The following PRKD1 variants were observed in gnomAD, a reference collection of about 807,000 sequenced individuals.
PRKD1 encodes serine/threonine-protein kinase D1.
Under a neutral mutation model 95.9 loss-of-function variants are expected in PRKD1, and 63 were observed. The observed-to-expected ratio is 0.66, with a 90% CI of 0.54 to 0.81. The LOEUF is 0.81. PRKD1 is among the 30% of genes least tolerant of loss of function. The probability of loss-of-function intolerance (pLI) is 0.00; values close to 1 mark genes in which losing one functional copy is unlikely to be tolerated. For synonymous variants in PRKD1, 425 were observed against 423.1 expected, an observed-to-expected ratio of 1.00 and a Z score of -0.05; for missense variants, 1,048 against 1,165.3, an observed-to-expected ratio of 0.90 and a Z score of 1.47.
intron 1 of PRKD1, among the ~76,000 whole-genome samples, chr14:29,797,296 T>G (rs1889859631): frequency 6.6e-6 from 1 of 152,198 alleles, no homozygotes; most frequent in Non-Finnish European, 1.5e-5. Flanking sequence ...AAATTGTTTG[T>G]AAGCGATGGA....
intron 1 of PRKD1, among the ~76,000 whole-genome samples, chr14:29,772,375 T>C (rs1367108424): frequency 6.6e-6 from 1 of 152,078 alleles, no homozygotes; most frequent in Non-Finnish European, 1.5e-5. Flanking sequence ...GGAGACAACA[T>C]CTATGAACCA....
intron 1 of PRKD1, among the ~76,000 whole-genome samples, chr14:29,886,257 G>C (rs1054200119): frequency 6.6e-6 from 1 of 152,296 alleles, no homozygotes; most frequent in African/African-American, 2.4e-5. Context: ...CAAAATTTCA[G>C]AGTTTACCTG....
At chr14:29,831,873 A>G (rs1290302587) in intron 1 of PRKD1, among the ~76,000 whole-genome samples, 2 of 152,204 alleles carry the variant, frequency 1.3e-5, no homozygotes, top group Non-Finnish European at 2.9e-5. Flanking sequence ...GTTAGATATC[A>G]TAAGTATGTT....
intron 1 of PRKD1, among the ~76,000 whole-genome samples, chr14:29,743,066 A>G (rs1270313393): frequency 1.3e-5 from 2 of 152,192 alleles, no homozygotes; most frequent in Non-Finnish European, 2.9e-5. Context: ...TATAATCACA[A>G]GACTATAAAG....
At chr14:29,777,920 A>C (rs1463347006) in intron 1 of PRKD1, among the ~76,000 whole-genome samples, 2 of 152,200 alleles carry the variant, frequency 1.3e-5, no homozygotes, top group Non-Finnish European at 2.9e-5. Flanking sequence ...CAAATGTAAA[A>C]GAACAGAAAT....
At chr14:29,663,093 A>G (rs976277319) in intron 4 of PRKD1, among the ~76,000 whole-genome samples, 2 of 146,022 alleles carry the variant, frequency 1.4e-5, no homozygotes, top group Non-Finnish European at 3.0e-5. Context: ...TATATACTAT[A>G]TAATATATAT....
At chr14:29,700,986 G>GCGCA (rs1555337063) in intron 2 of PRKD1, among the ~76,000 whole-genome samples, 1 of 52,316 alleles carries the variant, frequency 1.9e-5, no homozygotes, top group Non-Finnish European at 4.3e-5. Context: ...GCGCGCGCGC[G>GCGCA]CGCACACACA....
At chr14:29,768,860 T>C (rs541328490) in intron 1 of PRKD1, among the ~76,000 whole-genome samples, 1 of 152,236 alleles carries the variant, frequency 6.6e-6, no homozygotes, top group East Asian at 1.9e-4. Context: ...TTTAAAAGAT[T>C]TTCCCTCCTC....
chr14:29,828,885 G>A (rs8008553), intron 1 of PRKD1, among the ~76,000 whole-genome samples: 111,690 of 152,088 alleles, frequency 0.73, 41,101 homozygotes, highest in Middle Eastern at 0.77. Flanking sequence ...TGCTTCAGCC[G>A]ATAGAATGCA....
At chr14:29,602,427 CTTT>C (rs11331211) in intron 13 of PRKD1, among the ~76,000 whole-genome samples, 3,395 of 131,416 alleles carry the variant, frequency 0.026, 122 homozygotes, top group African/African-American at 0.092. Flanking sequence ...CTGTATTCCT[CTTT>C]TTTTTTTTTT....
At chr14:29,838,184 G>C (rs766916884) in intron 1 of PRKD1, among the ~76,000 whole-genome samples, 2 of 151,974 alleles carry the variant, frequency 1.3e-5, no homozygotes, top group Non-Finnish European at 2.9e-5. Flanking sequence ...TGAAATTTTT[G>C]GACCCCTAAA....
chr14:29,697,170 AAAAC>A (rs1594437865), intron 2 of PRKD1, among the ~76,000 whole-genome samples: 1 of 151,688 alleles, frequency 6.6e-6, no homozygotes. Flanking sequence ...TAGTAAAAAA[AAAAC>A]AAACAAACAA....
At position 29,725,556 on chromosome 14, in the gene PRKD1, A is replaced by T. The variant is rs1317605817; in HGVS notation, c.383T>A (p.Leu128His). 1 of 1,613,750 alleles carries T rather than the reference A, an allele frequency of 6.2e-7. No individual in the cohort carries two copies. The highest frequency in any genetic ancestry group is 8.5e-7 in the Non-Finnish European group (1 of 1,179,730). Residue 128 changes from leucine (L) to histidine (H), a missense_variant, in exon 2 of 18, where the codon CTT becomes CAT. This residue lies in a region of PRKD1 where 275 missense variants were observed against 248.6 expected (regional missense o/e 1.11). Transcript: ENST00000331968. ...KAASDIQEGD[L>H]IEVVLSASAT... ...ACTACCTGACAAGACCACTTCAATAAGATCGCCTTCCTGGATATCACTGGC... is the reference window on the plus strand; with the variant it reads ...ACTACCTGACAAGACCACTTCAATATGATCGCCTTCCTGGATATCACTGGC...
chr14:29,597,381 C>T, intron 16 of PRKD1, 110 bp downstream of exon 16: 2 of 1,189,074 alleles, frequency 1.7e-6, no homozygotes, highest in Non-Finnish European at 2.2e-6. Flanking sequence ...CTGGTGGGCA[C>T]TTTACAATGA....
At chr14:29,738,787 T>C (rs199977580) in intron 1 of PRKD1, among the ~76,000 whole-genome samples, 1 of 151,446 alleles carries the variant, frequency 6.6e-6, no homozygotes, top group East Asian at 2.0e-4. Context: ...CCTTCTTTCT[T>C]TCTCTCTCTC....
At chr14:29,746,819 G>C (rs1287582099) in intron 1 of PRKD1, among the ~76,000 whole-genome samples, 1 of 152,006 alleles carries the variant, frequency 6.6e-6, no homozygotes, top group Non-Finnish European at 1.5e-5. Flanking sequence ...TCCTTTCTCA[G>C]TTATAAAATG....
At chr14:29,638,468 G>T in intron 6 of PRKD1, 21 bp downstream of exon 6, 1 of 1,611,738 alleles carries the variant, frequency 6.2e-7, no homozygotes, top group Non-Finnish European at 8.5e-7. Flanking sequence ...GCACAGACAT[G>T]ACAGCTGATC....
At chr14:29,640,530 T>C (rs1025810052) in intron 4 of PRKD1, among the ~76,000 whole-genome samples, 1 of 152,192 alleles carries the variant, frequency 6.6e-6, no homozygotes, top group Non-Finnish European at 1.5e-5. Context: ...CTGGAAAGGT[T>C]CAACTCTTGC....
intron 1 of PRKD1, among the ~76,000 whole-genome samples, chr14:29,816,023 T>G (rs566324293): frequency 1.8e-4 from 27 of 152,076 alleles, no homozygotes; most frequent in South Asian, 8.3e-4. Flanking sequence ...ATCGAGACCA[T>G]CCTGGCCAAC....
Sources: gnomAD v4.1 joint callset for allele counts (sites outside exome capture counted in the v4.1 genomes callset) on GRCh38, gnomAD v4.1.1 for gene constraint, gnomAD v4.1.1 regional missense constraint, MANE v1.5 for transcripts, NCBI Gene and HGNC (gene_info 2026-07-23, HGNC 2026-07-21) for gene names.